Variants in LIN54 observed in about 807,000 individuals in gnomAD.
LIN54 encodes the protein lin-54 DREAM MuvB core complex component.
In LIN54, 9 loss-of-function variants were observed where a neutral mutation model predicts 78.7. The ratio of observed to expected loss-of-function variants is 0.11; its 90% CI spans 0.07 to 0.20. LIN54 has a LOEUF of 0.20. Among genes scored for constraint, LIN54 ranks in the 10% least tolerant of loss-of-function variants. The pLI is 1.00. For synonymous variants in LIN54, 269 were observed against 318.4 expected, an observed-to-expected ratio of 0.84 and a Z score of 1.65; for missense variants, 573 against 889.9, an observed-to-expected ratio of 0.64 and a Z score of 4.53.
At chr4:82,947,008 C>T (rs1403276846) in intron 4 of LIN54, among the ~76,000 whole-genome samples, 1 of 151,506 alleles carries the variant, frequency 6.6e-6, no homozygotes, top group Admixed American at 6.6e-5. Context: ...CCTGCCTCAG[C>T]CCCCCAAAGT....
At chr4:82,964,300 C>T (rs1725035678) in intron 4 of LIN54, among the ~76,000 whole-genome samples, 1 of 152,224 alleles carries the variant, frequency 6.6e-6, no homozygotes, top group Non-Finnish European at 1.5e-5. Context: ...ATCTTCCCGC[C>T]TCGGCCACCC....
At chr4:82,946,678 C>G (rs568750158) in intron 4 of LIN54, among the ~76,000 whole-genome samples, 1 of 152,298 alleles carries the variant, frequency 6.6e-6, no homozygotes, top group South Asian at 2.1e-4. Context: ...TACCTTCCAT[C>G]TCTAGTAGTT....
chr4:83,007,087 C>A (rs551396383), intron 1 of LIN54, among the ~76,000 whole-genome samples: 2 of 152,080 alleles, frequency 1.3e-5, no homozygotes, highest in Admixed American at 1.3e-4. Flanking sequence ...CTGCAGTGAG[C>A]GGAGATCACA....
At chr4:82,959,694 C>A (rs572783914) in intron 4 of LIN54, among the ~76,000 whole-genome samples, 4 of 151,966 alleles carry the variant, frequency 2.6e-5, no homozygotes, top group Non-Finnish European at 5.9e-5. Context: ...GATGATGACA[C>A]AAAAATTACT....
intron 1 of LIN54, among the ~76,000 whole-genome samples, chr4:82,998,554 G>GAAA (rs1728452889): frequency 1.3e-5 from 2 of 149,170 alleles, no homozygotes; most frequent in African/African-American, 2.5e-5. Context: ...AAGAAAGAAA[G>GAAA]GAAGGAAGAG....
chr4:82,998,501 G>GCATTGCA (rs3081910), intron 1 of LIN54, among the ~76,000 whole-genome samples: 151,087 of 151,714 alleles, frequency 1, 75,231 homozygotes, highest in Middle Eastern at 1. Flanking sequence ...CGAGATAGCA[G>GCATTGCA]CTCCAACTCG....
At chr4:82,983,345 A>T (rs567819343) in intron 2 of LIN54, among the ~76,000 whole-genome samples, 1 of 152,252 alleles carries the variant, frequency 6.6e-6, no homozygotes, top group Admixed American at 6.5e-5. Context: ...GTGGTGGCCT[A>T]AGAAAGCCTA....
At chr4:82,990,547 G>A (rs907385136) in intron 1 of LIN54, among the ~76,000 whole-genome samples, 4 of 151,712 alleles carry the variant, frequency 2.6e-5, no homozygotes, top group Non-Finnish European at 5.9e-5. Flanking sequence ...GCAGTGGCGC[G>A]ATCTCGGCTC....
At chr4:82,995,364 T>TA (rs1460740580) in intron 1 of LIN54, among the ~76,000 whole-genome samples, 8 of 151,428 alleles carry the variant, frequency 5.3e-5, no homozygotes, top group East Asian at 1.9e-4. Flanking sequence ...AATTTTTTTT[T>TA]AAAAAAGGTC....
Position 82,927,419 on chromosome 4 carries a change from C to T in LIN54, c.*683G>A, listed in dbSNP as rs1221791814. On this transcript the variant is annotated 3_prime_UTR_variant, in exon 13 of 13. Coordinates refer to ENST00000340417, the MANE Select transcript of LIN54 (RefSeq NM_194282.4). ...GAAAGAAAATGGAGACAGCCCAGAG[C>T]ATCTGTTAGCCTTTCCTTATTATAG... is the stretch of plus-strand genomic sequence containing the variant. The T allele has an allele frequency of 6.6e-6, 1 of 152,184 alleles. No individual in the cohort carries two copies. Among genetic ancestry groups the T allele is most frequent in the Non-Finnish European group, 1.5e-5 (1 of 68,028 alleles). The allele number at this position is 152,184 out of a possible 1,614,324, so 9.4% of individuals were successfully genotyped here. A position where few individuals can be genotyped will look rare whatever the true frequency, so the allele number is the denominator to read the frequency against.
chr4:83,008,324 C>T (rs1729569169), intron 1 of LIN54, among the ~76,000 whole-genome samples: 1 of 152,128 alleles, frequency 6.6e-6, no homozygotes, highest in Non-Finnish European at 1.5e-5. Flanking sequence ...CTATATGACA[C>T]CTAATAGACA....
At chr4:82,934,734 C>A (rs1221920232) in intron 11 of LIN54, among the ~76,000 whole-genome samples, 1 of 152,026 alleles carries the variant, frequency 6.6e-6, no homozygotes, top group Non-Finnish European at 1.5e-5. Context: ...TTAATTAATT[C>A]TCTGAGAATA....
chr4:82,996,327 T>C (rs6852338), intron 1 of LIN54, among the ~76,000 whole-genome samples: 151,526 of 152,158 alleles, frequency 1, 75,449 homozygotes, highest in Middle Eastern at 1. Context: ...GTTCACCTCA[T>C]CTGTAGAAGG....
Position 82,974,127 on chromosome 4 carries a change from G to A in LIN54, c.809-3658C>T, listed in dbSNP as rs573133254. On this transcript the variant is annotated intron_variant, in intron 3 of 12. Coordinates refer to ENST00000340417, the MANE Select transcript of LIN54 (RefSeq NM_194282.4). The stretch of plus-strand genomic sequence containing the variant: ...TGGGAGGCTGAGGCAAGAGAATGGC[G>A]TGAACCCAGGAGGCGGAGCTTGCAG... Among the ~76,000 whole-genome samples, 22 of 151,502 alleles carry A rather than the reference G, an allele frequency of 1.5e-4. No homozygotes were observed. In the South Asian group the frequency reaches 4.0e-3, roughly 27 times the overall value.
chr4:82,953,473 G>GA (rs1431045313), intron 4 of LIN54, among the ~76,000 whole-genome samples: 5 of 152,064 alleles, frequency 3.3e-5, no homozygotes, highest in Non-Finnish European at 7.4e-5. Context: ...TTAAAAAATT[G>GA]AAAAAATAGC....
chr4:82,986,833 C>CACTGATG (rs2126089850), intron 1 of LIN54, among the ~76,000 whole-genome samples: 1 of 151,850 alleles, frequency 6.6e-6, no homozygotes, highest in South Asian at 2.1e-4. Context: ...GTGCTTACAA[C>CACTGATG]ACTGATGACG....
At chr4:82,963,560 C>T (rs889208526) in intron 4 of LIN54, among the ~76,000 whole-genome samples, 2 of 151,742 alleles carry the variant, frequency 1.3e-5, no homozygotes, top group African/African-American at 4.8e-5. Context: ...CAATAGCATA[C>T]AGAACAGGAG....
At chr4:82,984,109 T>G (rs1726914065) in intron 2 of LIN54, 52 bp downstream of exon 2, 2 of 1,313,518 alleles carry the variant, frequency 1.5e-6, no homozygotes, top group Middle Eastern at 1.9e-4. Flanking sequence ...ATGAATCAGT[T>G]AAATTTTTTT....
rs996550655 is a variant in LIN54 at position 82,924,674 on chromosome 4, A to G, written c.*3428T>C. 1.3e-5 allele frequency: 2 copies of G among 148,946 alleles called. No individual in the cohort carries two copies. Among genetic ancestry groups the G allele is most frequent in the African/African-American group, 4.9e-5 (2 of 40,674 alleles). 9.2% of individuals were successfully genotyped at this position (148,946 alleles called of 1,614,324 possible). On this transcript the variant is annotated 3_prime_UTR_variant, in exon 13 of 13. Coordinates refer to ENST00000340417, the MANE Select transcript of LIN54 (RefSeq NM_194282.4). ...TTCAACTCATAAAATCACATGGATT[A>G]AAAAAAAAAGCTCACCTTTGGTATA...
Sources: gnomAD v4.1 joint callset for allele counts (sites outside exome capture counted in the v4.1 genomes callset) on GRCh38, gnomAD v4.1.1 for gene constraint, MANE v1.5 for transcripts, NCBI Gene and HGNC (gene_info 2026-07-23, HGNC 2026-07-21) for gene names.